ADAMTS6: variants seen among roughly 807,000 people sequenced by gnomAD.
ADAMTS6 encodes ADAM metallopeptidase with thrombospondin type 1 motif 6.
A neutral mutation model predicts 144.3 loss-of-function variants in ADAMTS6; 23 were observed. The ratio of observed to expected loss-of-function variants is 0.16; its 90% CI spans 0.11 to 0.23. The LOEUF (loss-of-function observed/expected upper bound fraction) is 0.23, where lower values mean the gene tolerates loss of function less well. Among genes scored for constraint, ADAMTS6 ranks in the 10% least tolerant of loss-of-function variants. ADAMTS6 has a pLI of 1.00. For missense variants in ADAMTS6, 999 were observed against 1,379.6 expected, an observed-to-expected ratio of 0.72 and a Z score of 4.37; for synonymous variants, 444 against 457.5, an observed-to-expected ratio of 0.97 and a Z score of 0.38.
Position 65,470,886 on chromosome 5 carries a change from T to C in ADAMTS6, c.354A>G (p.Lys118=), listed in dbSNP as rs575016235. The C allele has an allele frequency of 4.3e-6, 7 of 1,610,922 alleles. No individual in the cohort carries two copies. In the South Asian group the frequency reaches 7.8e-5, roughly 18 times the overall value. The change falls in exon 3 of 25, where the codon AAA becomes AAG. Residue 118 remains lysine, a synonymous_variant. Transcript: ENST00000381055. ...AATCATGTTTCCACTGGGGTCCATC[T>C]TTCCCCCAATATTCTACTGTAAAAT... The part of the protein sequence containing the change: ...SKHFTVEYWG[K]DGPQWKHDFL...
intron 7 of ADAMTS6, among the ~76,000 whole-genome samples, chr5:65,371,429 A>T (rs941345315): frequency 3.5e-4 from 53 of 152,058 alleles, no homozygotes; most frequent in Non-Finnish European, 6.8e-4. Flanking sequence ...TGCTTAAAGG[A>T]GCTGATGGAG....
chr5:65,426,447 A>G (rs1756544792), intron 7 of ADAMTS6, among the ~76,000 whole-genome samples: 1 of 152,020 alleles, frequency 6.6e-6, no homozygotes, highest in Admixed American at 6.5e-5. Flanking sequence ...TTTATTTTAC[A>G]TAGGGGAACT....
intron 7 of ADAMTS6, among the ~76,000 whole-genome samples, chr5:65,381,529 ATT>A (rs748143650): frequency 1.8e-4 from 19 of 103,130 alleles, no homozygotes; most frequent in African/African-American, 4.8e-4. Flanking sequence ...TGCCTGGCTA[ATT>A]TTTTTTTTTT....
At chr5:65,204,223 G>C (rs1755929509) in intron 20 of ADAMTS6, among the ~76,000 whole-genome samples, 1 of 152,168 alleles carries the variant, frequency 6.6e-6, no homozygotes, top group Non-Finnish European at 1.5e-5. Flanking sequence ...TTGAAAATAT[G>C]CAGGATAATT....
At chr5:65,433,413 C>T (rs747202606) in intron 7 of ADAMTS6, among the ~76,000 whole-genome samples, 3 of 152,112 alleles carry the variant, frequency 2.0e-5, no homozygotes, top group Non-Finnish European at 4.4e-5. Flanking sequence ...GAGCAGGATG[C>T]AAGGTTTGCG....
chr5:65,283,927 T>C (rs1476520665), intron 11 of ADAMTS6, among the ~76,000 whole-genome samples: 5 of 152,104 alleles, frequency 3.3e-5, no homozygotes, highest in Non-Finnish European at 5.9e-5. Context: ...AAAATGGTTT[T>C]TGAGGCCAAC....
At chr5:65,387,930 G>A (rs935022362) in intron 7 of ADAMTS6, among the ~76,000 whole-genome samples, 2 of 152,116 alleles carry the variant, frequency 1.3e-5, no homozygotes, top group Non-Finnish European at 2.9e-5. Context: ...TGTACAATAG[G>A]CCGGGCACGG....
intron 7 of ADAMTS6, among the ~76,000 whole-genome samples, chr5:65,380,610 A>G (rs1488508751): frequency 6.6e-6 from 1 of 152,010 alleles, no homozygotes; most frequent in Non-Finnish European, 1.5e-5. Context: ...ATGACTCATC[A>G]CTTCTGAAAT....
chr5:65,292,816 A>G (rs1742450621), intron 10 of ADAMTS6, among the ~76,000 whole-genome samples: 1 of 152,118 alleles, frequency 6.6e-6, no homozygotes, highest in African/African-American at 2.4e-5. Context: ...TACTACAATC[A>G]TTTCATTTGT....
At chr5:65,376,601 G>A (rs1288782156) in intron 7 of ADAMTS6, among the ~76,000 whole-genome samples, 1 of 152,182 alleles carries the variant, frequency 6.6e-6, no homozygotes, top group African/African-American at 2.4e-5. Flanking sequence ...GGAGGCCAAG[G>A]CAGGTGGATC....
intron 7 of ADAMTS6, among the ~76,000 whole-genome samples, chr5:65,381,062 TATAA>T (rs1454754071): frequency 1.3e-5 from 2 of 152,190 alleles, no homozygotes; most frequent in African/African-American, 4.8e-5. Context: ...ATTATAACCC[TATAA>T]ATACAGTAAC....
intron 14 of ADAMTS6, among the ~76,000 whole-genome samples, chr5:65,259,259 G>C (rs1444356780): frequency 6.6e-6 from 1 of 151,904 alleles, no homozygotes; most frequent in Non-Finnish European, 1.5e-5. Context: ...CTGTAATACA[G>C]CTACTCGGGA....
At chr5:65,475,305 G>T (rs757285124) in intron 1 of ADAMTS6, among the ~76,000 whole-genome samples, 1 of 152,124 alleles carries the variant, frequency 6.6e-6, no homozygotes, top group African/African-American at 2.4e-5. Flanking sequence ...CCTTACATTT[G>T]TCTCTACAAG....
At chr5:65,319,743 A>AGGAAGGGAGGGAGGGAT (rs775166736) in intron 9 of ADAMTS6, among the ~76,000 whole-genome samples, 1 of 32,728 alleles carries the variant, frequency 3.1e-5, no homozygotes. Flanking sequence ...GAGGGAGGGA[A>AGGAAGGGAGGGAGGGAT]GGAAGGAAGG....
At chr5:65,286,645 C>G (rs527439467) in intron 11 of ADAMTS6, among the ~76,000 whole-genome samples, 2 of 152,228 alleles carry the variant, frequency 1.3e-5, no homozygotes, top group African/African-American at 4.8e-5. Flanking sequence ...AAATTATGTA[C>G]TGGATATTGT....
chr5:65,194,631 A>C (rs895271833), intron 21 of ADAMTS6, among the ~76,000 whole-genome samples: 3 of 152,254 alleles, frequency 2.0e-5, no homozygotes, highest in African/African-American at 7.2e-5. Flanking sequence ...AATTCAAAAG[A>C]CTAAAGAAGA....
At chr5:65,420,240 G>A (rs1249895969) in intron 7 of ADAMTS6, among the ~76,000 whole-genome samples, 1 of 152,088 alleles carries the variant, frequency 6.6e-6, no homozygotes, top group African/African-American at 2.4e-5. Context: ...ACCTCCACCT[G>A]GTCTCTCCCT....
intron 7 of ADAMTS6, among the ~76,000 whole-genome samples, chr5:65,389,491 C>G (rs1456114921): frequency 1.3e-5 from 2 of 151,984 alleles, no homozygotes; most frequent in Non-Finnish European, 2.9e-5. Context: ...AGCATAAAAA[C>G]ATTTTGTTTT....
chr5:65,169,891 A>AGG (rs58328094), intron 24 of ADAMTS6, among the ~76,000 whole-genome samples: 6,927 of 82,116 alleles, frequency 0.084, 792 homozygotes, highest in African/African-American at 0.28. Flanking sequence ...TGTGGTGGGG[A>AGG]GGGGGGAGGG....
Sources: allele counts gnomAD v4.1 joint callset (sites outside exome capture counted in the v4.1 genomes callset), GRCh38; gene constraint gnomAD v4.1.1; transcripts MANE v1.5; gene names NCBI Gene and HGNC (gene_info 2026-07-23, HGNC 2026-07-21).